Variants in SPMIP10 observed in about 807,000 individuals in gnomAD.
The protein encoded by SPMIP10 is sperm microtubule inner protein 10.
At chr5:126,634,593 A>G in the SPMIP10 span, among the ~76,000 whole-genome samples, 1 of 152,324 alleles carries the variant, frequency 6.6e-6, no homozygotes, top group East Asian at 1.9e-4. Flanking sequence ...TGTAAACTTT[A>G]TAAGTTGAAA....
chr5:126,635,719 C>A, the SPMIP10 span, among the ~76,000 whole-genome samples: 650 of 152,252 alleles, frequency 4.3e-3, 4 homozygotes, highest in Non-Finnish European at 4.9e-3. Flanking sequence ...CACTCTGTTG[C>A]CCAGGCTGAA....
chr5:126,634,158 G>A, the SPMIP10 span, among the ~76,000 whole-genome samples: 3 of 152,298 alleles, frequency 2.0e-5, no homozygotes, highest in South Asian at 2.1e-4. Flanking sequence ...TCTGGCTGGC[G>A]TGGTGGCTCA....
chr5:126,636,249 A>C, the SPMIP10 span: 1 of 1,601,110 alleles, frequency 6.2e-7, no homozygotes, highest in South Asian at 1.1e-5. Flanking sequence ...TAATGAAAGA[A>C]GAATAAAATA....
At chr5:126,636,087 A>G in the SPMIP10 span, 2 of 1,614,096 alleles carry the variant, frequency 1.2e-6, no homozygotes, top group African/African-American at 1.3e-5. Context: ...CTGTTTTTGA[A>G]TCACAGTGAA....
chr5:126,633,651 C>A, the SPMIP10 span, among the ~76,000 whole-genome samples: 2 of 152,082 alleles, frequency 1.3e-5, no homozygotes, highest in Non-Finnish European at 2.9e-5. Flanking sequence ...TTAGCCACCA[C>A]ACCGGGCCTA....
chr5:126,635,347 C>T, the SPMIP10 span, among the ~76,000 whole-genome samples: 8 of 152,084 alleles, frequency 5.3e-5, no homozygotes, highest in Non-Finnish European at 8.8e-5. Flanking sequence ...ACAGCATCAT[C>T]ATACTTTAAA....
the SPMIP10 span, chr5:126,632,614 C>T: frequency 1.2e-6 from 2 of 1,611,198 alleles, no homozygotes; most frequent in East Asian, 2.2e-5. Flanking sequence ...TATGTCATGC[C>T]TTGGAAAGAA....
the SPMIP10 span, among the ~76,000 whole-genome samples, chr5:126,632,236 A>T: frequency 1.0e-5 from 1 of 99,798 alleles, no homozygotes; most frequent in Non-Finnish European, 1.7e-5. Context: ...CCAGCTGGGC[A>T]TGATAATGCA....
chr5:126,632,674 C>T, the SPMIP10 span: 34 of 1,426,056 alleles, frequency 2.4e-5, no homozygotes, highest in African/African-American at 4.6e-4. Flanking sequence ...CATAAGCACA[C>T]ATAAGGAAAA....
the SPMIP10 span, chr5:126,632,613 C>A: frequency 1.9e-5 from 31 of 1,610,542 alleles, no homozygotes; most frequent in Non-Finnish European, 2.5e-5. Context: ...TTATGTCATG[C>A]CTTGGAAAGA....
chr5:126,635,198 G>A, the SPMIP10 span, among the ~76,000 whole-genome samples: 8 of 123,162 alleles, frequency 6.5e-5, no homozygotes, highest in South Asian at 2.8e-4. Flanking sequence ...ATATATATAT[G>A]AAACACAGCA....
At chr5:126,632,713 T>A in the SPMIP10 span, 1 of 1,001,654 alleles carries the variant, frequency 1.0e-6, no homozygotes, top group Non-Finnish European at 1.6e-6. Flanking sequence ...TTAAGCCGGA[T>A]GCGGTGACTT....
the SPMIP10 span, chr5:126,635,966 T>G: frequency 7.2e-7 from 1 of 1,386,136 alleles, no homozygotes; most frequent in East Asian, 2.3e-5. Flanking sequence ...CTGATGAAAC[T>G]TCCTTCTTAA....
At chr5:126,633,439 C>T in the SPMIP10 span, among the ~76,000 whole-genome samples, 2 of 152,092 alleles carry the variant, frequency 1.3e-5, no homozygotes, top group African/African-American at 4.8e-5. Flanking sequence ...CAGCTCACTG[C>T]AGCCTCATCT....
At chr5:126,631,871 G>C in the SPMIP10 span, 16 of 1,145,116 alleles carry the variant, frequency 1.4e-5, no homozygotes, top group East Asian at 3.5e-4. Flanking sequence ...TTTGCAACCT[G>C]GGAGCCACAA....
At chr5:126,635,536 A>G in the SPMIP10 span, among the ~76,000 whole-genome samples, 1 of 152,182 alleles carries the variant, frequency 6.6e-6, no homozygotes, top group East Asian at 1.9e-4. Context: ...GCCTCCAAAT[A>G]TATCACATTT....
the SPMIP10 span, chr5:126,631,868 C>T: frequency 8.6e-7 from 1 of 1,166,002 alleles, no homozygotes; most frequent in Admixed American, 1.8e-5. Context: ...TGTTTTGCAA[C>T]CTGGGAGCCA....
At chr5:126,633,028 T>TATATATATATATATATAA in the SPMIP10 span, among the ~76,000 whole-genome samples, 1 of 146,452 alleles carries the variant, frequency 6.8e-6, no homozygotes, top group East Asian at 1.9e-4. Context: ...TATATATATA[T>TATATATATATATATATAA]ATATAATTTA....
the SPMIP10 span, chr5:126,635,916 C>A: frequency 1.2e-6 from 1 of 836,660 alleles, no homozygotes; most frequent in Non-Finnish European, 1.9e-6. Flanking sequence ...CCTGTCTTGG[C>A]CTCCCAAATT....
Sources: allele counts gnomAD v4.1 joint callset (sites outside exome capture counted in the v4.1 genomes callset), GRCh38; gene constraint gnomAD v4.1.1; transcripts MANE v1.5; gene names NCBI Gene and HGNC (gene_info 2026-07-23, HGNC 2026-07-21).